SGCD: variants seen among roughly 807,000 people sequenced by gnomAD.
SGCD encodes sarcoglycan delta.
In SGCD, 18 loss-of-function variants were observed where a neutral mutation model predicts 36.6. The observed-to-expected ratio is 0.49, with a 90% confidence interval of 0.34 to 0.73. The LOEUF is 0.73. Ranked by LOEUF, SGCD falls within the 30% of genes least tolerant of loss-of-function variation. The probability of loss-of-function intolerance (pLI) is 0.01; values close to 1 mark genes in which losing one functional copy is unlikely to be tolerated. For synonymous variants in SGCD, 133 were observed against 130.6 expected (o/e 1.02, Z -0.12); for missense variants, 387 against 346.7 (o/e 1.12, Z -0.92).
the SGCD span, among the ~76,000 whole-genome samples, chr5:155,751,569 G>T: frequency 6.6e-6 from 1 of 151,346 alleles, no homozygotes; most frequent in African/African-American, 2.4e-5. Context: ...CTATATTTTT[G>T]GTAGAGATGG....
intron 4 of SGCD, among the ~76,000 whole-genome samples, chr5:156,526,783 C>G (rs1216725914): frequency 6.6e-6 from 1 of 152,136 alleles, no homozygotes; most frequent in African/African-American, 2.4e-5. Context: ...TAGTTCAACA[C>G]GTAATACTAT....
rs1757248287 is a variant in SGCD, at chr5:156,754,000, C to T, written c.576-3581C>T. On this transcript the variant is annotated intron_variant, in intron 7 of 8. Coordinates refer to ENST00000337851, the MANE Select transcript of SGCD (RefSeq NM_000337.6). ...GGGCTGTAAAACAGAAAGCCAGTTA[C>T]CTTTTTTGTCACTGCTTCCAGGAAA... 2.6e-5 allele frequency among the ~76,000 whole-genome samples: 4 copies of T among 152,234 alleles called. No individual in the cohort carries two copies. The South Asian group carries it at 8.3e-4, about 31-fold the overall frequency.
At chr5:156,472,343 A>T (rs982053685) in intron 3 of SGCD, among the ~76,000 whole-genome samples, 1 of 152,256 alleles carries the variant, frequency 6.6e-6, no homozygotes, top group Non-Finnish European at 1.5e-5. Context: ...ATTCATCAAC[A>T]GAAGAATGGA....
intron 3 of SGCD, among the ~76,000 whole-genome samples, chr5:156,483,093 G>T (rs1755511407): frequency 6.6e-6 from 1 of 152,086 alleles, no homozygotes; most frequent in Non-Finnish European, 1.5e-5. Flanking sequence ...AAAGACCTGA[G>T]TTAAGTGAAG....
At chr5:156,273,420 T>C (rs1286255061) in intron 3 of SGCD, among the ~76,000 whole-genome samples, 1 of 152,174 alleles carries the variant, frequency 6.6e-6, no homozygotes, top group East Asian at 1.9e-4. Context: ...TTTTACAACA[T>C]GGATATTTTG....
At chr5:156,496,106 GT>G (rs1756175267) in intron 3 of SGCD, among the ~76,000 whole-genome samples, 1 of 152,134 alleles carries the variant, frequency 6.6e-6, no homozygotes, top group South Asian at 2.1e-4. Context: ...TACATGAGTT[GT>G]TGTCCAGGTA....
At chr5:155,794,502 A>G in the SGCD span, among the ~76,000 whole-genome samples, 1 of 152,096 alleles carries the variant, frequency 6.6e-6, no homozygotes, top group Non-Finnish European at 1.5e-5. Context: ...AAAGAATCAA[A>G]TGAACATTGT....
intron 3 of SGCD, among the ~76,000 whole-genome samples, chr5:156,365,291 C>G (rs935208995): frequency 1.3e-5 from 2 of 152,184 alleles, no homozygotes; most frequent in African/African-American, 4.8e-5. Flanking sequence ...TTATCTATTA[C>G]CAAAAACTAG....
At chr5:156,590,837 C>T (rs907581071) in intron 5 of SGCD, among the ~76,000 whole-genome samples, 2 of 151,112 alleles carry the variant, frequency 1.3e-5, no homozygotes, top group African/African-American at 2.4e-5. Flanking sequence ...TCCTTCCCCT[C>T]TCTCCTACCA....
intron 1 of SGCD, among the ~76,000 whole-genome samples, chr5:155,921,064 G>A (rs1302881016): frequency 6.6e-6 from 1 of 152,116 alleles, no homozygotes; most frequent in Non-Finnish European, 1.5e-5. Flanking sequence ...AATGGGTAAG[G>A]TAAGGAAAAG....
intron 1 of SGCD, among the ~76,000 whole-genome samples, chr5:156,073,414 T>C (rs527618231): frequency 6.6e-6 from 1 of 152,132 alleles, no homozygotes; most frequent in South Asian, 2.1e-4. Context: ...CCAAAAAAAG[T>C]TAGCTAGGAA....
the SGCD span, among the ~76,000 whole-genome samples, chr5:155,740,977 G>T: frequency 1.3e-5 from 2 of 152,208 alleles, no homozygotes; most frequent in Non-Finnish European, 2.9e-5. Context: ...GTTATAGCTT[G>T]GTTTGTATAT....
At chr5:155,796,492 A>G in the SGCD span, among the ~76,000 whole-genome samples, 2 of 143,442 alleles carry the variant, frequency 1.4e-5, no homozygotes, top group Admixed American at 6.8e-5. Context: ...CACATATAAG[A>G]AAAAAAAAAC....
chr5:156,409,620 T>A (rs1173215194), intron 3 of SGCD, among the ~76,000 whole-genome samples: 2 of 152,238 alleles, frequency 1.3e-5, no homozygotes, highest in African/African-American at 2.4e-5. Flanking sequence ...AGCCTCAGAA[T>A]AATTGTGTGG....
At chr5:156,228,479 C>T (rs1391060402) in intron 3 of SGCD, among the ~76,000 whole-genome samples, 2 of 152,120 alleles carry the variant, frequency 1.3e-5, no homozygotes, top group African/African-American at 4.8e-5. Context: ...CTTTTGATGT[C>T]AATTTGCATT....
At chr5:156,210,975 C>G (rs1764424928) in intron 3 of SGCD, among the ~76,000 whole-genome samples, 1 of 151,710 alleles carries the variant, frequency 6.6e-6, no homozygotes, top group Non-Finnish European at 1.5e-5. Flanking sequence ...AAAATTCAGT[C>G]ATGCCAGACT....
intron 3 of SGCD, among the ~76,000 whole-genome samples, chr5:156,287,062 G>A (rs1160181770): frequency 6.6e-6 from 1 of 152,126 alleles, no homozygotes; most frequent in Non-Finnish European, 1.5e-5. Context: ...ACAACAAAGA[G>A]GGTAAACAAA....
Position 156,533,579 on chromosome 5 carries a change from T to G in SGCD, c.294+24877T>G, listed in dbSNP as rs187942216. On this transcript the variant is annotated intron_variant, in intron 4 of 8. Coordinates refer to ENST00000337851, the MANE Select transcript of SGCD (RefSeq NM_000337.6). ...TAAAAACTTACACAAATTCTAAATT[T>G]CCAAAGACATGGACTTTCTTATCTC... 3.0e-3 allele frequency among the ~76,000 whole-genome samples: 456 copies of G among 152,288 alleles called. 4 individuals are homozygous for G. Among genetic ancestry groups the G allele is most frequent in the Non-Finnish European group, 6.0e-3 (407 of 68,012 alleles).
intron 1 of SGCD, among the ~76,000 whole-genome samples, chr5:156,005,490 G>A (rs1027755358): frequency 1.3e-5 from 2 of 151,946 alleles, no homozygotes; most frequent in Admixed American, 6.6e-5. Flanking sequence ...TCGCTCAGTC[G>A]CCCAGGCTGG....
Sources: gnomAD v4.1 joint callset for allele counts (sites outside exome capture counted in the v4.1 genomes callset) on GRCh38, gnomAD v4.1.1 for gene constraint, MANE v1.5 for transcripts, NCBI Gene and HGNC (gene_info 2026-07-23, HGNC 2026-07-21) for gene names.